The following MYRIP variants were observed in gnomAD, a reference collection of about 807,000 sequenced individuals.
MYRIP encodes rab effector MyRIP.
MYRIP carries 49 observed loss-of-function variants against 98.0 expected under a neutral mutation model. That is an observed-to-expected ratio of 0.50 (90% CI 0.40 to 0.63). MYRIP has a LOEUF of 0.63. Ranked by LOEUF, MYRIP falls within the 30% of genes least tolerant of loss-of-function variation. The pLI is 0.00. For synonymous variants in MYRIP, 404 were observed against 409.5 expected (o/e 0.99, Z 0.16); for missense variants, 1,004 against 1,058.2 (o/e 0.95, Z 0.71).
At position 40,209,722 on chromosome 3, in the gene MYRIP, G is replaced by C; in HGVS notation, c.1666-132G>C. 3.3e-6 allele frequency: 4 copies of C among 1,209,262 alleles called. No homozygotes were observed. In the South Asian group the frequency reaches 6.2e-5, roughly 19 times the overall value. 74.9% of individuals were successfully genotyped at this position (1,209,262 alleles called of 1,614,324 possible). A position where few individuals can be genotyped will look rare whatever the true frequency, so the allele number is the denominator to read the frequency against. ...TAAAAGTCCATCTGAAGAGAAAGCA[G>C]ACCAGGTAAGAAAGCTGTTACTTTC... is the stretch of plus-strand genomic sequence containing the variant. On this transcript the variant is annotated intron_variant, in intron 10 of 16. Coordinates refer to ENST00000302541, the MANE Select transcript of MYRIP (RefSeq NM_015460.4).
At chr3:40,037,878 A>C (rs1334461709) in intron 2 of MYRIP, among the ~76,000 whole-genome samples, 1 of 152,084 alleles carries the variant, frequency 6.6e-6, no homozygotes, top group Non-Finnish European at 1.5e-5. Context: ...CTTTGGAAAA[A>C]GCTTAGGTCA....
At chr3:39,816,825 A>AT (rs564439359) in intron 1 of MYRIP, among the ~76,000 whole-genome samples, 4 of 152,178 alleles carry the variant, frequency 2.6e-5, no homozygotes, top group Admixed American at 2.0e-4. Flanking sequence ...ATTTTTATAT[A>AT]TTTTTTTCCA....
At position 39,978,756 on chromosome 3, in the gene MYRIP, C is replaced by G. The variant is rs567353902; in HGVS notation, c.111-65294C>G. 5.3e-5 allele frequency among the ~76,000 whole-genome samples: 8 copies of G among 151,290 alleles called. No homozygotes were observed. In the South Asian group the frequency reaches 1.7e-3, roughly 32 times the overall value. Reference sequence around the variant, plus strand: ...ATATTTAGATGGGTACCTCTGTGATCTTGTTAAAGACATTTGTTTGCACGG... The same window carrying G: ...ATATTTAGATGGGTACCTCTGTGATGTTGTTAAAGACATTTGTTTGCACGG... On this transcript the variant is annotated intron_variant, in intron 2 of 16. Coordinates refer to ENST00000302541, the MANE Select transcript of MYRIP (RefSeq NM_015460.4).
At chr3:39,884,809 A>T (rs57198979) in intron 1 of MYRIP, among the ~76,000 whole-genome samples, 62,399 of 138,916 alleles carry the variant, frequency 0.45, 14,583 homozygotes, top group African/African-American at 0.62. Context: ...AGTCATTATT[A>T]TTTTTTTTTT....
chr3:39,978,968 G>A (rs558302413), intron 2 of MYRIP, among the ~76,000 whole-genome samples: 6 of 152,130 alleles, frequency 3.9e-5, no homozygotes, highest in East Asian at 1.9e-4. Context: ...ATGATATAAC[G>A]TAAGAGGAAA....
chr3:39,955,113 A>C (rs867568311), intron 2 of MYRIP, among the ~76,000 whole-genome samples: 12 of 152,314 alleles, frequency 7.9e-5, no homozygotes, highest in African/African-American at 2.2e-4. Context: ...AGGATATTAT[A>C]CAGGAGAACT....
chr3:40,244,699 A>G (rs1953133397), intron 13 of MYRIP, 92 bp downstream of exon 13: 8 of 1,307,122 alleles, frequency 6.1e-6, no homozygotes, highest in Non-Finnish European at 8.2e-6. Context: ...CATTGTATCT[A>G]TCAGCTCCCA....
intron 1 of MYRIP, among the ~76,000 whole-genome samples, chr3:39,899,146 T>C (rs1049898814): frequency 6.6e-6 from 1 of 152,138 alleles, no homozygotes; most frequent in Non-Finnish European, 1.5e-5. Flanking sequence ...CACTTATTCC[T>C]AGACAATAAT....
At chr3:40,182,648 G>C (rs1039058872) in intron 9 of MYRIP, among the ~76,000 whole-genome samples, 10 of 152,198 alleles carry the variant, frequency 6.6e-5, no homozygotes, top group African/African-American at 1.9e-4. Context: ...CTGTGGGACA[G>C]ATTGGGGGCT....
At chr3:40,137,318 C>A (rs1949801061) in intron 3 of MYRIP, among the ~76,000 whole-genome samples, 1 of 152,192 alleles carries the variant, frequency 6.6e-6, no homozygotes, top group Non-Finnish European at 1.5e-5. Flanking sequence ...CATACAGTCT[C>A]CCAAGACTAA....
intron 3 of MYRIP, among the ~76,000 whole-genome samples, chr3:40,071,532 A>C (rs1198855916): frequency 6.6e-6 from 1 of 151,626 alleles, no homozygotes; most frequent in Non-Finnish European, 1.5e-5. Context: ...GAAAGGGAGC[A>C]ATTGATGATT....
chr3:40,161,455 C>T (rs1201869159), intron 4 of MYRIP, among the ~76,000 whole-genome samples: 1 of 152,148 alleles, frequency 6.6e-6, no homozygotes, highest in Non-Finnish European at 1.5e-5. Flanking sequence ...TTCCTATGGC[C>T]TACAGGGCAT....
At chr3:40,175,836 T>C (rs1950740584) in intron 8 of MYRIP, among the ~76,000 whole-genome samples, 1 of 152,106 alleles carries the variant, frequency 6.6e-6, no homozygotes, top group Non-Finnish European at 1.5e-5. Context: ...GGTCCAAGAG[T>C]TAGGACCCAA....
At chr3:40,066,320 C>G (rs541354738) in intron 3 of MYRIP, among the ~76,000 whole-genome samples, 13 of 152,174 alleles carry the variant, frequency 8.5e-5, no homozygotes, top group African/African-American at 3.1e-4. Flanking sequence ...TCCATTAAGA[C>G]CATCCTGATA....
intron 2 of MYRIP, among the ~76,000 whole-genome samples, chr3:40,039,728 T>C (rs1463737920): frequency 6.5e-4 from 2 of 3,064 alleles, no homozygotes; most frequent in South Asian, 6.3e-3. Flanking sequence ...TGTTTTCCCT[T>C]TTTTTTTTTT....
At chr3:40,033,956 A>G (rs990769727) in intron 2 of MYRIP, among the ~76,000 whole-genome samples, 2 of 152,150 alleles carry the variant, frequency 1.3e-5, no homozygotes, top group Non-Finnish European at 2.9e-5. Flanking sequence ...AACCTGAGAA[A>G]AACAAGCAAT....
At chr3:40,156,214 T>C (rs935293395) in intron 4 of MYRIP, among the ~76,000 whole-genome samples, 3 of 151,682 alleles carry the variant, frequency 2.0e-5, no homozygotes, top group African/African-American at 4.8e-5. Context: ...TACATATGGC[T>C]AGCCAGTTTT....
chr3:40,085,830 C>A (rs539630177), intron 3 of MYRIP, among the ~76,000 whole-genome samples: 16 of 152,258 alleles, frequency 1.1e-4, no homozygotes, highest in African/African-American at 3.6e-4. Context: ...TTTTATAAAT[C>A]ATATTTGGTA....
intron 12 of MYRIP, among the ~76,000 whole-genome samples, chr3:40,236,548 C>G (rs1422939304): frequency 1.3e-5 from 2 of 152,132 alleles, no homozygotes. Flanking sequence ...TTCAGTCCTC[C>G]TGATTTGTGA....
Sources: allele counts gnomAD v4.1 joint callset (sites outside exome capture counted in the v4.1 genomes callset), GRCh38; gene constraint gnomAD v4.1.1; transcripts MANE v1.5; gene names NCBI Gene and HGNC (gene_info 2026-07-23, HGNC 2026-07-21).